VWA8: variants seen among roughly 807,000 people sequenced by gnomAD.
VWA8 encodes von Willebrand factor A domain containing 8, also known as von Willebrand factor A domain-containing protein 8.
A neutral mutation model predicts 241.5 loss-of-function variants in VWA8; 221 were observed. That is an observed-to-expected ratio of 0.91 (90% CI 0.82 to 1.02). The LOEUF (loss-of-function observed/expected upper bound fraction) is 1.02, where lower values mean the gene tolerates loss of function less well. Among genes scored for constraint, VWA8 ranks in the 50% least tolerant of loss-of-function variants. VWA8 has a pLI of 0.00. For missense variants in VWA8, 2,322 were observed against 2,328.7 expected, an observed-to-expected ratio of 1.00 and a Z score of 0.06; for synonymous variants, 852 against 827.1, an observed-to-expected ratio of 1.03 and a Z score of -0.52.
intron 21 of VWA8, among the ~76,000 whole-genome samples, chr13:41,733,665 C>A (rs1220518998): frequency 6.6e-6 from 1 of 151,938 alleles, no homozygotes; most frequent in African/African-American, 2.4e-5. Flanking sequence ...GCTTAGGTGC[C>A]CCTGCTATGT....
At chr13:41,915,283 T>C (rs1876198651) in intron 2 of VWA8, among the ~76,000 whole-genome samples, 2 of 152,226 alleles carry the variant, frequency 1.3e-5, no homozygotes, top group African/African-American at 4.8e-5. Flanking sequence ...TGAGAAACAC[T>C]GCCTTAAGGC....
intron 20 of VWA8, among the ~76,000 whole-genome samples, chr13:41,771,387 G>C (rs61964899): frequency 6.7e-6 from 1 of 150,052 alleles, no homozygotes; most frequent in Non-Finnish European, 1.5e-5. Context: ...CCTCCCAAAG[G>C]GCTGGGATTA....
At chr13:41,848,240 C>T (rs1033692403) in intron 12 of VWA8, among the ~76,000 whole-genome samples, 2 of 152,060 alleles carry the variant, frequency 1.3e-5, no homozygotes, top group Admixed American at 6.6e-5. Context: ...CAGCAGGAAG[C>T]CAAACATTTG....
At chr13:41,920,802 C>T (rs546607658) in intron 2 of VWA8, among the ~76,000 whole-genome samples, 1 of 151,954 alleles carries the variant, frequency 6.6e-6, no homozygotes, top group Non-Finnish European at 1.5e-5. Flanking sequence ...AATAGGCTAC[C>T]AACCAAAAAA....
chr13:41,592,001 A>G (rs1161934381), intron 40 of VWA8, among the ~76,000 whole-genome samples: 1 of 149,064 alleles, frequency 6.7e-6, no homozygotes, highest in Admixed American at 6.7e-5. Context: ...ATGCTGCTAT[A>G]AAGACACATG....
rs1222396556 is a variant in VWA8 at position 41,819,327 on chromosome 13, A to G, written c.1760T>C (p.Ile587Thr). The G allele has an allele frequency of 3.7e-6, 6 of 1,613,104 alleles. No individual in the cohort carries two copies. The highest frequency in any genetic ancestry group is 1.3e-5 in the African/African-American group (1 of 74,996). Residue 587 changes from isoleucine to threonine, a missense_variant, in exon 15 of 45, where the codon ATT (isoleucine) becomes ACT (threonine). By Grantham distance (89) the Ile-to-Thr change is moderately conservative. Coordinates refer to ENST00000379310, the MANE Select transcript of VWA8 (RefSeq NM_015058.2). ...RIIALAEPPV[I>T]GSTAHQWLGP... ...CAGCCACTGGTGTGCTGTGCTTCCA[A>G]TAACAGGGGGTTCTGCCAAGGCAAT...
rs2044270287 is a variant in VWA8 at position 41,567,703 on chromosome 13, G to A, written c.*494C>T. 2 of 152,358 alleles carry A rather than the reference G, an allele frequency of 1.3e-5. No individual in the cohort carries two copies. The highest frequency in any genetic ancestry group is 4.8e-5 in the African/African-American group (2 of 41,418). 9.4% of individuals were successfully genotyped at this position (152,358 alleles called of 1,614,324 possible). On this transcript the variant is annotated 3_prime_UTR_variant, in exon 45 of 45. Coordinates refer to ENST00000379310, the MANE Select transcript of VWA8 (RefSeq NM_015058.2). ...AATATTATAAAATCATTGTTTTCTGGTCAATACAGAGCAGGGAGAAAATAA... is the reference window on the plus strand; with the variant it reads ...AATATTATAAAATCATTGTTTTCTGATCAATACAGAGCAGGGAGAAAATAA...
At chr13:41,914,566 CTTCT>C (rs1460180913) in intron 2 of VWA8, among the ~76,000 whole-genome samples, 2 of 152,164 alleles carry the variant, frequency 1.3e-5, no homozygotes, top group Non-Finnish European at 2.9e-5. Context: ...GACACCTTAA[CTTCT>C]TTATTAGTAA....
intron 40 of VWA8, among the ~76,000 whole-genome samples, chr13:41,598,372 A>T (rs2044501364): frequency 6.6e-6 from 1 of 151,994 alleles, no homozygotes; most frequent in Admixed American, 6.6e-5. Flanking sequence ...TAAATTCATA[A>T]TTTTTAATAT....
chr13:41,713,829 G>T (rs1318199809), intron 26 of VWA8, among the ~76,000 whole-genome samples: 1 of 152,074 alleles, frequency 6.6e-6, no homozygotes, highest in Non-Finnish European at 1.5e-5. Flanking sequence ...GGGAAATGGA[G>T]AAAAAGTAGA....
chr13:41,924,412 G>A (rs61963120), intron 2 of VWA8, among the ~76,000 whole-genome samples: 1 of 138,132 alleles, frequency 7.2e-6, no homozygotes, highest in Non-Finnish European at 1.6e-5. Context: ...GAGGGGAGGG[G>A]AGGAGAGGAG....
At chr13:41,873,399 G>GT (rs1266780212) in intron 9 of VWA8, among the ~76,000 whole-genome samples, 1 of 152,068 alleles carries the variant, frequency 6.6e-6, no homozygotes, top group Non-Finnish European at 1.5e-5. Flanking sequence ...CCAGGAGCTG[G>GT]TTTTTTGAAA....
chr13:41,626,742 AC>A (rs2044694472), intron 37 of VWA8, among the ~76,000 whole-genome samples: 1 of 152,126 alleles, frequency 6.6e-6, no homozygotes, highest in Non-Finnish European at 1.5e-5. Context: ...CTGGATCCCT[AC>A]CTTTCACCAC....
chr13:41,741,054 T>C (rs944539128), intron 21 of VWA8, among the ~76,000 whole-genome samples: 2 of 152,180 alleles, frequency 1.3e-5, no homozygotes, highest in African/African-American at 4.8e-5. Flanking sequence ...CCCTGCTTTA[T>C]TTTCCCACAT....
At chr13:41,609,378 T>C (rs1265996188) in intron 39 of VWA8, among the ~76,000 whole-genome samples, 8 of 152,174 alleles carry the variant, frequency 5.3e-5, no homozygotes, top group African/African-American at 1.9e-4. Context: ...ATAATAGTAT[T>C]GTGAGTTTGT....
At position 41,835,334 on chromosome 13, in the gene VWA8, C is replaced by T. The variant is rs1037653358; in HGVS notation, c.1426-1803G>A. ...CATAAAGACCTTTGAAAAACAGTAA[C>T]ATTCAAACTCAGCAACTTCCCATAA... On this transcript the variant is annotated intron_variant, in intron 12 of 44. Coordinates refer to ENST00000379310, the MANE Select transcript of VWA8 (RefSeq NM_015058.2). Among the ~76,000 whole-genome samples, 3 of 152,156 alleles carry T rather than the reference C, an allele frequency of 2.0e-5. 1 individual carries two copies. Among genetic ancestry groups the T allele is most frequent in the Admixed American group, 2.0e-4 (3 of 15,278 alleles).
intron 20 of VWA8, among the ~76,000 whole-genome samples, chr13:41,769,650 T>C (rs1343774305): frequency 1.3e-5 from 2 of 152,210 alleles, no homozygotes; most frequent in African/African-American, 2.4e-5. Context: ...TGTGCTATGA[T>C]GCAAAAAAGC....
At chr13:41,572,281 G>T (rs915724415) in intron 43 of VWA8, among the ~76,000 whole-genome samples, 9 of 152,354 alleles carry the variant, frequency 5.9e-5, no homozygotes, top group African/African-American at 1.9e-4. Context: ...CTGCCAGGCT[G>T]CCACCCCGTC....
At chr13:41,849,780 G>C (rs1203512464) in intron 12 of VWA8, among the ~76,000 whole-genome samples, 1 of 152,104 alleles carries the variant, frequency 6.6e-6, no homozygotes, top group Non-Finnish European at 1.5e-5. Context: ...CCAGCTACTT[G>C]GGAGGCTGAG....
Sources: gnomAD v4.1 joint callset for allele counts (sites outside exome capture counted in the v4.1 genomes callset) on GRCh38, gnomAD v4.1.1 for gene constraint, MANE v1.5 for transcripts, NCBI Gene and HGNC (gene_info 2026-07-23, HGNC 2026-07-21) for gene names.